Variants in MMS22L observed in about 807,000 individuals in gnomAD.
MMS22L encodes MMS22 like, DNA repair protein.
MMS22L carries 74 observed loss-of-function variants against 159.1 expected under a neutral mutation model. That is an observed-to-expected ratio of 0.47 (90% confidence interval 0.39 to 0.56). MMS22L has a LOEUF of 0.56. Ranked by LOEUF, MMS22L falls within the 20% of genes least tolerant of loss-of-function variation. The pLI, the probability that MMS22L is intolerant of heterozygous loss-of-function variation, is 0.00. For missense variants in MMS22L, 1,351 were observed against 1,422.1 expected, an observed-to-expected ratio of 0.95 and a Z score of 0.80; for synonymous variants, 517 against 506.9, an observed-to-expected ratio of 1.02 and a Z score of -0.27.
At chr6:97,181,054 C>T (rs772008570) in intron 16 of MMS22L, among the ~76,000 whole-genome samples, 2 of 152,096 alleles carry the variant, frequency 1.3e-5, no homozygotes, top group Non-Finnish European at 2.9e-5. Flanking sequence ...TAGGTTTATG[C>T]TAAGGACGAA....
rs1055773167 is a variant in MMS22L at position 97,282,294 on chromosome 6, T to C, written c.164+20A>G. 9.3e-6 allele frequency: 15 copies of C among 1,609,824 alleles called. No homozygotes were observed. The highest frequency in any genetic ancestry group is 1.3e-5 in the African/African-American group (1 of 74,632). On this transcript the variant is annotated intron_variant, in intron 2 of 24. Coordinates refer to ENST00000683635, the MANE Select transcript of MMS22L (RefSeq NM_001350599.2). Reference sequence around the variant, plus strand: ...TGGTGAATAATCAGATGAGGGAAAATGTCTCTGAGTTTTACCTACCGCTTA... The same window carrying C: ...TGGTGAATAATCAGATGAGGGAAAACGTCTCTGAGTTTTACCTACCGCTTA...
At chr6:97,250,136 A>C (rs115159932) in intron 10 of MMS22L, among the ~76,000 whole-genome samples, 3 of 152,182 alleles carry the variant, frequency 2.0e-5, no homozygotes, top group Non-Finnish European at 4.4e-5. Context: ...GGGCAGCTAC[A>C]GCATTTTTTT....
At chr6:97,281,490 A>G (rs1816752539) in intron 2 of MMS22L, 128 bp from the exon 3 acceptor site, 3 of 685,594 alleles carry the variant, frequency 4.4e-6, no homozygotes, top group Non-Finnish European at 2.4e-6. Flanking sequence ...ATGCCTTGGT[A>G]CTTTACACAT....
At chr6:97,149,803 A>G (rs2128230909) in intron 24 of MMS22L, 50 bp downstream of exon 24, 4 of 1,466,858 alleles carry the variant, frequency 2.7e-6, no homozygotes, top group Non-Finnish European at 3.6e-6. Flanking sequence ...AATGAAATAT[A>G]AATTTTATAA....
At chr6:97,147,145 C>T (rs1040542183) in intron 24 of MMS22L, among the ~76,000 whole-genome samples, 13 of 152,036 alleles carry the variant, frequency 8.6e-5, no homozygotes, top group Non-Finnish European at 1.0e-4. Context: ...CATTAACCTT[C>T]CGAAATATTA....
At chr6:97,194,497 TTAGAA>T (rs1478718117) in intron 14 of MMS22L, among the ~76,000 whole-genome samples, 4 of 152,320 alleles carry the variant, frequency 2.6e-5, no homozygotes, top group South Asian at 2.1e-4. Flanking sequence ...GGCCAAACAC[TTAGAA>T]TAGATCTGGC....
At chr6:97,216,340 T>C (rs1436883776) in intron 14 of MMS22L, among the ~76,000 whole-genome samples, 1 of 152,172 alleles carries the variant, frequency 6.6e-6, no homozygotes, top group Non-Finnish European at 1.5e-5. Context: ...ATAATTAAGA[T>C]TGGTTTCCTT....
chr6:97,270,932 T>C (rs919846759), intron 6 of MMS22L: 8 of 151,982 alleles, frequency 5.3e-5, no homozygotes, highest in East Asian at 1.9e-4. Context: ...TTTAACAGCA[T>C]AGATAAAACA....
intron 14 of MMS22L, among the ~76,000 whole-genome samples, chr6:97,210,450 C>A (rs562818910): frequency 1.9e-4 from 29 of 151,986 alleles, no homozygotes; most frequent in African/African-American, 5.5e-4. Context: ...AGAAAAGATT[C>A]ATTTATGTAT....
At position 97,168,180 on chromosome 6, in the gene MMS22L, A is replaced by G. The variant is rs1562410212; in HGVS notation, c.2900T>C (p.Phe967Ser). ...FATSKAQKLL[F>S]RIIDCLLLPH... ...CAGCAGTAAACAATCTATGATCCGGAATAGTAATTTTTGGGCTTTAGAAGT... is the reference window on the plus strand; with the variant it reads ...CAGCAGTAAACAATCTATGATCCGGGATAGTAATTTTTGGGCTTTAGAAGT... Residue 967 changes from phenylalanine (F) to serine (S), a missense_variant, in exon 20 of 25, where the codon TTC (phenylalanine) becomes TCC (serine). By Grantham distance (155) the Phe-to-Ser change is radical. Coordinates refer to ENST00000683635, the MANE Select transcript of MMS22L (RefSeq NM_001350599.2). 6 of 1,613,060 alleles carry G rather than the reference A, an allele frequency of 3.7e-6. No homozygotes were observed. Among genetic ancestry groups the G allele is most frequent in the Non-Finnish European group, 5.1e-6 (6 of 1,179,436 alleles).
chr6:97,273,317 C>T (rs1460524778), intron 4 of MMS22L, among the ~76,000 whole-genome samples: 1 of 152,206 alleles, frequency 6.6e-6, no homozygotes, highest in East Asian at 1.9e-4. Flanking sequence ...CTAGCTACAC[C>T]TGGCTTCATG....
chr6:97,159,016 G>A (rs1802147246), intron 22 of MMS22L, among the ~76,000 whole-genome samples: 1 of 152,030 alleles, frequency 6.6e-6, no homozygotes, highest in African/African-American at 2.4e-5. Context: ...ATACATTTAG[G>A]ACAGTTAGCT....
chr6:97,261,634 A>C (rs1401451039), intron 9 of MMS22L: 1 of 152,206 alleles, frequency 6.6e-6, no homozygotes, highest in Non-Finnish European at 1.5e-5. Flanking sequence ...AGTTACATGC[A>C]GTTTTCTGAC....
At chr6:97,200,215 A>G (rs2128298969) in intron 14 of MMS22L, among the ~76,000 whole-genome samples, 1 of 152,274 alleles carries the variant, frequency 6.6e-6, no homozygotes, top group Admixed American at 6.5e-5. Context: ...TTAGAATAAT[A>G]TCATATTTAG....
rs181853000 is a variant in MMS22L, at chr6:97,189,742, T to C, written c.2040-3052A>G. Among the ~76,000 whole-genome samples, 492 of 152,122 alleles carry C rather than the reference T, an allele frequency of 3.2e-3. 2 individuals carry two copies. The highest frequency in any genetic ancestry group is 0.012 in the African/African-American group (481 of 41,542). ...GTTGGAAATGTGCACCCACTTTGTG[T>C]TTTTGGATTTGAAAAGCAGCTAATA... is the stretch of plus-strand genomic sequence containing the variant. On this transcript the variant is annotated intron_variant, in intron 14 of 24. Transcript: ENST00000683635.
rs144560933 is a variant in MMS22L at position 97,178,379 on chromosome 6, T to C, written c.2679+64A>G. 1.6e-4 allele frequency: 202 copies of C among 1,238,204 alleles called. No individual in the cohort carries two copies. The African/African-American group carries it at 2.7e-3, about 16-fold the overall frequency. 76.7% of individuals were successfully genotyped at this position (1,238,204 alleles called of 1,614,324 possible). On this transcript the variant is annotated intron_variant, in intron 18 of 24. Coordinates refer to ENST00000683635, the MANE Select transcript of MMS22L (RefSeq NM_001350599.2). ...TTTTATAGAAAAACTTTAAGAATACTTCAGGTTTTTCTGAAAATTAATTGT... is the reference window on the plus strand; with the variant it reads ...TTTTATAGAAAAACTTTAAGAATACCTCAGGTTTTTCTGAAAATTAATTGT...
chr6:97,191,580 T>A (rs1473044515), intron 14 of MMS22L, among the ~76,000 whole-genome samples: 3 of 152,152 alleles, frequency 2.0e-5, no homozygotes, highest in African/African-American at 4.8e-5. Context: ...ATGGTAACTT[T>A]AAAAAAATCT....
intron 23 of MMS22L, 85 bp downstream of exon 23, chr6:97,151,686 T>G: frequency 9.6e-7 from 1 of 1,046,482 alleles, no homozygotes; most frequent in Non-Finnish European, 1.5e-6. Context: ...ACATTATGTT[T>G]TGGATAATTA....
Position 97,174,244 on chromosome 6 carries a change from T to C in MMS22L, c.2680-1022A>G, listed in dbSNP as rs539981828. On this transcript the variant is annotated intron_variant, in intron 18 of 24. Transcript: ENST00000683635. ...CTCCAGCCTGGTGACAGAGCAAGAC[T>C]GTCTCAAAAAAAAAATAAAAAAAAA... 2.0e-5 allele frequency among the ~76,000 whole-genome samples: 3 copies of C among 146,860 alleles called. No individual in the cohort carries two copies. The South Asian group carries it at 6.4e-4, about 31-fold the overall frequency.
Sources: allele counts gnomAD v4.1 joint callset (sites outside exome capture counted in the v4.1 genomes callset), GRCh38; gene constraint gnomAD v4.1.1; transcripts MANE v1.5; gene names NCBI Gene and HGNC (gene_info 2026-07-23, HGNC 2026-07-21).